The following MICAL2 variants were observed in gnomAD, a reference collection of about 807,000 sequenced individuals.
The protein encoded by MICAL2 is microtubule associated monooxygenase, calponin and LIM domain containing 2.
Under a neutral mutation model 127.3 loss-of-function variants are expected in MICAL2, and 77 were observed. That is an observed-to-expected ratio of 0.60 (90% CI 0.50 to 0.73). MICAL2 has a LOEUF of 0.73. MICAL2 is among the 30% of genes least tolerant of loss of function. The pLI is 0.00. For synonymous variants in MICAL2, 570 were observed against 551.1 expected (o/e 1.03, Z -0.48); for missense variants, 1,351 against 1,434.4 (o/e 0.94, Z 0.94).
chr11:12,258,632 G>T (rs1862657705), intron 25 of MICAL2, 76 bp downstream of exon 25: 2 of 1,377,782 alleles, frequency 1.5e-6, no homozygotes. Context: ...TCAAAGTTAG[G>T]CCAGCTTTGC....
intron 29 of MICAL2, among the ~76,000 whole-genome samples, chr11:12,297,926 T>C (rs1030148094): frequency 6.6e-6 from 1 of 151,820 alleles, no homozygotes; most frequent in African/African-American, 2.4e-5. Flanking sequence ...TTTATATATT[T>C]TTTTATTTTA....
At chr11:12,164,081 C>T (rs1047016134) in intron 3 of MICAL2, among the ~76,000 whole-genome samples, 2 of 152,078 alleles carry the variant, frequency 1.3e-5, no homozygotes, top group Admixed American at 6.5e-5. Flanking sequence ...GGAGGGCTGA[C>T]CACCAAGAAG....
At chr11:12,280,380 A>G (rs956779021) in intron 1 of MICAL2, among the ~76,000 whole-genome samples, 8 of 152,126 alleles carry the variant, frequency 5.3e-5, no homozygotes, top group Non-Finnish European at 2.9e-5. Context: ...CCAAGCCTGT[A>G]TTGTTCTGCT....
chr11:12,144,045 A>C (rs1238301392), intron 2 of MICAL2, among the ~76,000 whole-genome samples: 1 of 152,120 alleles, frequency 6.6e-6, no homozygotes, highest in African/African-American at 2.4e-5. Context: ...TGCCCCAGGA[A>C]ATGAGTTTCA....
Position 12,216,271 on chromosome 11 carries a change from A to G in MICAL2, c.900A>G (p.Val300=). Residue 300 remains valine (V), a synonymous_variant, in exon 8 of 28, where the codon GTA becomes GTG. Coordinates refer to ENST00000683283, the MANE Select transcript of MICAL2 (RefSeq NM_001282663.2). The part of the protein sequence containing the change: ...VYYKDCTHYF[V]MTAKKQSLLD... ...ACAAGGACTGCACCCACTATTTTGT[A>G]ATGACAGCCAAGAAGCAGAGCCTGC... 6.2e-7 allele frequency: 1 copy of G among 1,614,090 alleles called. No individual in the cohort carries two copies. The highest frequency in any genetic ancestry group is 8.5e-7 in the Non-Finnish European group (1 of 1,179,948).
At chr11:12,300,059 C>G (rs541221198) in intron 29 of MICAL2, among the ~76,000 whole-genome samples, 1 of 152,222 alleles carries the variant, frequency 6.6e-6, no homozygotes, top group African/African-American at 2.4e-5. Flanking sequence ...CTTTGGGAAG[C>G]AGAGGCGGGT....
upstream of MICAL2, chr11:12,275,971 C>T (rs1863718664): frequency 7.5e-6 from 3 of 399,330 alleles, no homozygotes; most frequent in Non-Finnish European, 4.4e-6. Context: ...CTAGACCCTG[C>T]TCTCCTCTCA....
chr11:12,189,939 A>G (rs1392437184), intron 3 of MICAL2, among the ~76,000 whole-genome samples: 4 of 152,244 alleles, frequency 2.6e-5, no homozygotes, highest in Non-Finnish European at 1.5e-5. Context: ...GTGGGCATCT[A>G]TCATACAGTA....
intron 2 of MICAL2, among the ~76,000 whole-genome samples, chr11:12,283,361 A>T (rs1231593220): frequency 1.3e-5 from 2 of 149,622 alleles, no homozygotes; most frequent in African/African-American, 5.0e-5. Flanking sequence ...AAAAAAAAAA[A>T]AGACTCTACG....
chr11:12,360,341 G>C (rs1782035212), downstream of MICAL2, among the ~76,000 whole-genome samples: 1 of 152,048 alleles, frequency 6.6e-6, no homozygotes, highest in African/African-American at 2.4e-5. Context: ...CTAAGAAATT[G>C]GTACATAAGC....
At chr11:12,233,789 C>G (rs1858639300) in intron 15 of MICAL2, among the ~76,000 whole-genome samples, 1 of 152,086 alleles carries the variant, frequency 6.6e-6, no homozygotes, top group Non-Finnish European at 1.5e-5. Context: ...TCTTCTTGTA[C>G]TTTGAATTCT....
At chr11:12,224,897 C>T in intron 13 of MICAL2, 77 bp downstream of exon 13, 1 of 1,499,952 alleles carries the variant, frequency 6.7e-7, no homozygotes. Flanking sequence ...ATCTTCATTA[C>T]TTGGTTCAAT....
chr11:12,225,486 C>A (rs1043547036), intron 13 of MICAL2: 1 of 152,054 alleles, frequency 6.6e-6, no homozygotes, highest in Non-Finnish European at 1.5e-5. Flanking sequence ...GGAGGATGGA[C>A]CGTCTTTTTT....
chr11:12,142,031 T>C (rs1214910782), intron 2 of MICAL2, among the ~76,000 whole-genome samples: 1 of 152,220 alleles, frequency 6.6e-6, no homozygotes, highest in Non-Finnish European at 1.5e-5. Flanking sequence ...AGCACACCCA[T>C]AGCGCAAGCT....
intron 3 of MICAL2, among the ~76,000 whole-genome samples, chr11:12,198,966 A>C (rs1860304054): frequency 6.6e-6 from 1 of 152,158 alleles, no homozygotes. Flanking sequence ...CAGTGTGCTC[A>C]ATGCAGGGAA....
intron 29 of MICAL2, among the ~76,000 whole-genome samples, chr11:12,317,208 T>C (rs950319686): frequency 6.6e-6 from 1 of 152,204 alleles, no homozygotes; most frequent in Non-Finnish European, 1.5e-5. Context: ...CATCTATCTT[T>C]TCAACTCAAT....
In MICAL2 at chr11:12,226,303, G is replaced by T; in HGVS notation, c.1821G>T (p.Lys607Asn). The T allele has an allele frequency of 6.2e-7, 1 of 1,614,236 alleles. No individual in the cohort carries two copies. The highest frequency in any genetic ancestry group is 8.5e-7 in the Non-Finnish European group (1 of 1,180,044). Reference sequence around the variant, plus strand: ...TGGCATCTGCCCAGGAGCCTGACAAGCTCAGCATGGTCATGTACCTCTCCA... The same window carrying T: ...TGGCATCTGCCCAGGAGCCTGACAATCTCAGCATGGTCATGTACCTCTCCA... The part of the protein sequence containing the change: ...KEMASAQEPD[K>N]LSMVMYLSKF... The change falls in exon 14 of 28, where the codon AAG (lysine) becomes AAT (asparagine). Residue 607 changes from lysine (K) to asparagine (N), a missense_variant. Physicochemically the swap from Lys to Asn is moderately conservative, Grantham distance 94. Transcript: ENST00000683283.
intron 9 of MICAL2, among the ~76,000 whole-genome samples, chr11:12,221,367 C>T (rs1856795130): frequency 6.6e-6 from 1 of 152,254 alleles, no homozygotes; most frequent in Non-Finnish European, 1.5e-5. Flanking sequence ...ATTCTGATTT[C>T]CATCTCCCTC....
At chr11:12,343,666 CA>C in intron 32 of MICAL2, among the ~76,000 whole-genome samples, 1 of 152,128 alleles carries the variant, frequency 6.6e-6, no homozygotes, top group East Asian at 1.9e-4. Flanking sequence ...AAAACAACAA[CA>C]AAAAATGCTC....
Sources: allele counts gnomAD v4.1 joint callset (sites outside exome capture counted in the v4.1 genomes callset), GRCh38; gene constraint gnomAD v4.1.1; transcripts MANE v1.5; gene names NCBI Gene and HGNC (gene_info 2026-07-23, HGNC 2026-07-21).